DCTN5: variants seen among roughly 807,000 people sequenced by gnomAD.
DCTN5 encodes dynactin 4.
A neutral mutation model predicts 23.5 loss-of-function variants in DCTN5; 14 were observed. The ratio of observed to expected loss-of-function variants is 0.60; its 90% CI spans 0.39 to 0.93. DCTN5 has a LOEUF of 0.93. DCTN5 is among the 40% of genes least tolerant of loss of function. The probability of loss-of-function intolerance (pLI) is 0.00; values close to 1 mark genes in which losing one functional copy is unlikely to be tolerated. For missense variants in DCTN5, 156 were observed against 225.9 expected, an observed-to-expected ratio of 0.69 and a Z score of 1.98; for synonymous variants, 67 against 79.6, an observed-to-expected ratio of 0.84 and a Z score of 0.84.
At chr16:23,651,063 T>A (rs1967594978) in intron 2 of DCTN5, 2 of 1,377,556 alleles carry the variant, frequency 1.5e-6, no homozygotes, top group African/African-American at 2.9e-5. Context: ...AATGATTTGT[T>A]AAAATGCCAC....
At chr16:23,649,050 A>G (rs1421458482) in intron 2 of DCTN5, among the ~76,000 whole-genome samples, 1 of 151,662 alleles carries the variant, frequency 6.6e-6, no homozygotes, top group Non-Finnish European at 1.5e-5. Context: ...AGTAGAGACG[A>G]GGTTTCACCA....
chr16:23,662,406 A>G (rs1967831092), intron 4 of DCTN5, among the ~76,000 whole-genome samples: 1 of 152,136 alleles, frequency 6.6e-6, no homozygotes, highest in Admixed American at 6.5e-5. Context: ...AAGGCTTAAC[A>G]AGGTTGGATT....
At position 23,674,214 on chromosome 16, in the gene DCTN5, T is replaced by G. The variant is rs1468266129; in HGVS notation, c.*7070T>G. 1 of 152,186 alleles carries G rather than the reference T, an allele frequency of 6.6e-6. No individual in the cohort carries two copies. The allele number at this position is 152,186 out of a possible 1,614,324, so 9.4% of individuals were successfully genotyped here. On this transcript the variant is annotated 3_prime_UTR_variant, in exon 6 of 6. Coordinates refer to ENST00000300087, the MANE Select transcript of DCTN5 (RefSeq NM_032486.4). Reference sequence around the variant, plus strand: ...AGGCTCAATGACCAGGACTCAGACGTTGGGGCCGTTGGAGATTAAGGACCC... The same window carrying G: ...AGGCTCAATGACCAGGACTCAGACGGTGGGGCCGTTGGAGATTAAGGACCC...
At position 23,650,645 on chromosome 16, in the gene DCTN5, C is replaced by T. The variant is rs1045974032; in HGVS notation, c.117+7622C>T. The T allele has an allele frequency of 5.7e-6, 6 of 1,050,432 alleles. No individual in the cohort carries two copies. In the African/African-American group the frequency reaches 8.0e-5, roughly 14 times the overall value. The allele number at this position is 1,050,432 out of a possible 1,614,324, so 65.1% of individuals were successfully genotyped here. A position where few individuals can be genotyped will look rare whatever the true frequency, so the allele number is the denominator to read the frequency against. ...CGGCTGGCCCGTCTGTGCATTTTCA[C>T]TGCTGTGTACAATTCCACTTATCCA... On this transcript the variant is annotated intron_variant, in intron 2 of 5. Transcript: ENST00000300087.
At chr16:23,650,765 A>G (rs762228543) in intron 2 of DCTN5, 3 of 1,534,802 alleles carry the variant, frequency 2.0e-6, no homozygotes, top group Admixed American at 2.0e-5. Flanking sequence ...GAACTTTGTC[A>G]TTTCTGTTTT....
intron 2 of DCTN5, among the ~76,000 whole-genome samples, chr16:23,650,007 C>T (rs1034584659): frequency 3.9e-5 from 6 of 152,040 alleles, no homozygotes; most frequent in African/African-American, 1.4e-4. Context: ...AATCAGCTGG[C>T]TATAGATATG....
chr16:23,645,096 T>C (rs1967402038), intron 2 of DCTN5, among the ~76,000 whole-genome samples: 3 of 15,026 alleles, frequency 2.0e-4, no homozygotes, highest in East Asian at 1.7e-3. Context: ...TATATATATA[T>C]ATATATATAT....
In DCTN5 at chr16:23,663,371, C is replaced by G. The variant is rs1301002913; in HGVS notation, c.348+2090C>G. 2.0e-5 allele frequency among the ~76,000 whole-genome samples: 3 copies of G among 152,178 alleles called. No individual in the cohort carries two copies. In the East Asian group the frequency reaches 5.8e-4, roughly 29 times the overall value. On this transcript the variant is annotated intron_variant, in intron 4 of 5. Coordinates refer to ENST00000300087, the MANE Select transcript of DCTN5 (RefSeq NM_032486.4). ...ATATAGGTAGCTGTAGTATTAGCAG[C>G]ACGGCTGCAGTTGTTAACTCCTTGG...
chr16:23,641,847 T>C (rs570100425), intron 1 of DCTN5, among the ~76,000 whole-genome samples: 8 of 152,252 alleles, frequency 5.3e-5, no homozygotes, highest in Admixed American at 1.3e-4. Context: ...TCCCATCCTG[T>C]TCATACGAAT....
rs1967807598 is a variant in DCTN5, at chr16:23,661,350, G to A, written c.348+69G>A. 4.4e-6 allele frequency: 5 copies of A among 1,135,490 alleles called. No individual in the cohort carries two copies. The Admixed American group carries it at 7.2e-5, about 16-fold the overall frequency. 70.3% of individuals were successfully genotyped at this position (1,135,490 alleles called of 1,614,324 possible). On this transcript the variant is annotated intron_variant, in intron 4 of 5. Coordinates refer to ENST00000300087, the MANE Select transcript of DCTN5 (RefSeq NM_032486.4). ...TCAGCTCCCATCCCTCACTTCGGTG[G>A]GACCCTGTTTCTGTGACTAAGCAGG...
rs984385350 is a variant in DCTN5, at chr16:23,677,078, G to C, written c.*9934G>C. 6.6e-6 allele frequency: 1 copy of C among 152,274 alleles called. No homozygotes were observed. The highest frequency in any genetic ancestry group is 1.5e-5 in the Non-Finnish European group (1 of 68,054). The allele number at this position is 152,274 out of a possible 1,614,324, so 9.4% of individuals were successfully genotyped here. ...GTCACAACTGATTGCTGGAGGAATT[G>C]TGTCCTATGTGACTCTGCTGGGAGA... On this transcript the variant is annotated 3_prime_UTR_variant, in exon 6 of 6. Coordinates refer to ENST00000300087, the MANE Select transcript of DCTN5 (RefSeq NM_032486.4).
intron 2 of DCTN5, among the ~76,000 whole-genome samples, chr16:23,651,468 GACAA>G (rs1302457455): frequency 6.6e-6 from 1 of 152,190 alleles, no homozygotes; most frequent in Non-Finnish European, 1.5e-5. Flanking sequence ...AGTTTAGGCT[GACAA>G]ACAGACTTAT....
Position 23,670,551 on chromosome 16 carries a change from TCTC to T in DCTN5, c.*3410_*3412del, listed in dbSNP as rs1431624657. On this transcript the variant is annotated 3_prime_UTR_variant, in exon 6 of 6. Transcript: ENST00000300087. ...CCATATTCTGGCTAGCCTCAGCGGT[TCTC>T]CTGAAAAAAAATTGGCATCTGACAA... 2.0e-5 allele frequency: 3 copies of T among 152,102 alleles called. No individual in the cohort carries two copies. Among genetic ancestry groups the T allele is most frequent in the Admixed American group, 6.5e-5 (1 of 15,272 alleles). 9.4% of individuals were successfully genotyped at this position (152,102 alleles called of 1,614,324 possible). A position where few individuals can be genotyped will look rare whatever the true frequency, so the allele number is the denominator to read the frequency against.
rs1967945323 is a variant in DCTN5 at position 23,668,404 on chromosome 16, C to A, written c.*1260C>A. On this transcript the variant is annotated 3_prime_UTR_variant, in exon 6 of 6. Transcript: ENST00000300087. ...GTTTGTTATTTTTAAAATGTTTATA[C>A]ATAAAACCACCAAAATACATAGCTT... 1 of 152,216 alleles carries A rather than the reference C, an allele frequency of 6.6e-6. No homozygotes were observed. The highest frequency in any genetic ancestry group is 2.4e-5 in the African/African-American group (1 of 41,454). 9.4% of individuals were successfully genotyped at this position (152,216 alleles called of 1,614,324 possible). A position where few individuals can be genotyped will look rare whatever the true frequency, so the allele number is the denominator to read the frequency against.
intron 2 of DCTN5, among the ~76,000 whole-genome samples, chr16:23,646,874 C>T (rs1489837411): frequency 6.6e-6 from 1 of 152,158 alleles, no homozygotes; most frequent in Non-Finnish European, 1.5e-5. Flanking sequence ...CTGTACCCAG[C>T]TTGAGTAATT....
intron 2 of DCTN5, among the ~76,000 whole-genome samples, chr16:23,648,967 C>T (rs1967538153): frequency 6.6e-6 from 1 of 152,256 alleles, no homozygotes; most frequent in African/African-American, 2.4e-5. Context: ...AAGCAATTCT[C>T]CTGTCTCAGC....
intron 1 of DCTN5, 45 bp from the exon 2 acceptor site, chr16:23,642,910 A>G (rs746577412): frequency 6.4e-7 from 1 of 1,558,328 alleles, no homozygotes; most frequent in Non-Finnish European, 8.9e-7. Flanking sequence ...TAGTCCAGAA[A>G]CCTATTAAGT....
intron 2 of DCTN5, chr16:23,650,940 A>C: frequency 7.0e-7 from 1 of 1,421,964 alleles, no homozygotes; most frequent in Non-Finnish European, 9.5e-7. Context: ...ATACAGGCCC[A>C]CGTGGCAACA....
At chr16:23,647,545 G>T (rs1222627114) in intron 2 of DCTN5, among the ~76,000 whole-genome samples, 1 of 149,374 alleles carries the variant, frequency 6.7e-6, no homozygotes, top group Non-Finnish European at 1.5e-5. Flanking sequence ...GTATTGCCCT[G>T]TTGCCCAGGC....
Sources: allele counts gnomAD v4.1 joint callset (sites outside exome capture counted in the v4.1 genomes callset), GRCh38; gene constraint gnomAD v4.1.1; transcripts MANE v1.5; gene names NCBI Gene and HGNC (gene_info 2026-07-23, HGNC 2026-07-21).